Variants in MMP26 observed in about 807,000 individuals in gnomAD.
The protein encoded by MMP26 is matrix metalloproteinase-26.
In MMP26, 33 loss-of-function variants were observed where a neutral mutation model predicts 31.0. The ratio of observed to expected loss-of-function variants is 1.06; its 90% CI spans 0.81 to 1.42. The LOEUF (loss-of-function observed/expected upper bound fraction) is 1.42, where lower values mean the gene tolerates loss of function less well. MMP26 is among the 40% of genes most tolerant of loss of function. The pLI is 0.00. For missense variants in MMP26, 347 were observed against 316.1 expected (o/e 1.10, Z -0.74); for synonymous variants, 122 against 114.9 (o/e 1.06, Z -0.40).
chr11:4,916,410 A>AC (rs1206018285), intron 2 of MMP26, among the ~76,000 whole-genome samples: 1 of 150,214 alleles, frequency 6.7e-6, no homozygotes, highest in African/African-American at 2.5e-5. Context: ...TGGAAAAAAA[A>AC]AGTCCTCACA....
intron 2 of MMP26, among the ~76,000 whole-genome samples, chr11:4,941,636 A>G (rs1163315819): frequency 6.6e-6 from 1 of 152,206 alleles, no homozygotes; most frequent in African/African-American, 2.4e-5. Context: ...ATCCAAGACC[A>G]TCATGCTTGA....
chr11:4,774,594 T>C (rs766723623), intron 2 of MMP26, among the ~76,000 whole-genome samples: 8 of 152,200 alleles, frequency 5.3e-5, no homozygotes, highest in Non-Finnish European at 1.2e-4. Flanking sequence ...TTCACTCTGA[T>C]GATAGTTTCT....
chr11:4,744,900 C>T (rs1848360265), intron 1 of MMP26, among the ~76,000 whole-genome samples: 1 of 151,992 alleles, frequency 6.6e-6, no homozygotes, highest in African/African-American at 2.4e-5. Flanking sequence ...ACCTCTTCTT[C>T]TTTATATTTT....
In MMP26 at chr11:4,769,595, C is replaced by T. The variant is rs564868411; in HGVS notation, c.-145+2254C>T. 6.2e-7 allele frequency: 1 copy of T among 1,613,302 alleles called. No homozygotes were observed. Among genetic ancestry groups the T allele is most frequent in the South Asian group, 1.1e-5 (1 of 91,060 alleles). ...CACTCCAGATTCCATAAAAGTGAAT[C>T]CATGAAGAAAAAACATCTGGACAAT... On this transcript the variant is annotated intron_variant, in intron 2 of 7. Coordinates refer to ENST00000380390, the MANE Select transcript of MMP26 (RefSeq NM_021801.5).
At chr11:4,829,724 G>A (rs1363359940) in intron 2 of MMP26, among the ~76,000 whole-genome samples, 1 of 152,118 alleles carries the variant, frequency 6.6e-6, no homozygotes, top group South Asian at 2.1e-4. Flanking sequence ...CTTACCTAAA[G>A]CCATCACATT....
chr11:4,861,040 A>C, intron 2 of MMP26, among the ~76,000 whole-genome samples: 1 of 148,880 alleles, frequency 6.7e-6, no homozygotes, highest in Admixed American at 6.7e-5. Context: ...ATCCACATAA[A>C]TCCATGTGTA....
intron 2 of MMP26, among the ~76,000 whole-genome samples, chr11:4,815,158 G>C (rs1849404394): frequency 6.6e-6 from 1 of 152,210 alleles, no homozygotes; most frequent in Non-Finnish European, 1.5e-5. Context: ...GGGGTGGGTA[G>C]AGAAGTAGTC....
chr11:4,783,759 G>C (rs186001865), intron 2 of MMP26, among the ~76,000 whole-genome samples: 3 of 152,282 alleles, frequency 2.0e-5, no homozygotes, highest in East Asian at 3.9e-4. Context: ...TTTCCATACT[G>C]TTCTCATGGT....
At chr11:4,822,571 A>C (rs891212908) in intron 2 of MMP26, 1 of 450,494 alleles carries the variant, frequency 2.2e-6, no homozygotes, top group Non-Finnish European at 3.7e-6. Flanking sequence ...TGTTTTCAAT[A>C]TGAAGTGAAG....
intron 2 of MMP26, among the ~76,000 whole-genome samples, chr11:4,934,500 A>G (rs371384195): frequency 5.1e-5 from 7 of 136,282 alleles, no homozygotes; most frequent in African/African-American, 1.4e-4. Flanking sequence ...AGTAGGTTGC[A>G]AAAATTTTCT....
chr11:4,926,185 G>C (rs987910108), intron 2 of MMP26, among the ~76,000 whole-genome samples: 1 of 151,538 alleles, frequency 6.6e-6, no homozygotes, highest in Admixed American at 6.6e-5. Context: ...TTTAATATAA[G>C]AATAAAACCA....
chr11:4,830,279 G>A (rs1414034569), intron 2 of MMP26: 1 of 152,094 alleles, frequency 6.6e-6, no homozygotes, highest in Non-Finnish European at 1.5e-5. Flanking sequence ...CCTTAGGATG[G>A]TTTTATCTTT....
chr11:4,821,074 G>C (rs1272371872), intron 2 of MMP26, among the ~76,000 whole-genome samples: 1 of 152,108 alleles, frequency 6.6e-6, no homozygotes, highest in Non-Finnish European at 1.5e-5. Context: ...CTGGAAAGCA[G>C]GTTTCTCATA....
chr11:4,944,294 C>A, intron 2 of MMP26: 1 of 175,218 alleles, frequency 5.7e-6, no homozygotes, highest in Non-Finnish European at 1.2e-5. Context: ...AGGTTTGAAC[C>A]CCAGCTTTTG....
intron 2 of MMP26, among the ~76,000 whole-genome samples, chr11:4,856,792 C>A (rs1850060108): frequency 6.6e-6 from 1 of 152,208 alleles, no homozygotes; most frequent in African/African-American, 2.4e-5. Context: ...CCACGTCGCA[C>A]TTATTCCAAA....
chr11:4,877,297 T>C (rs1323392877), intron 2 of MMP26: 2 of 152,242 alleles, frequency 1.3e-5, no homozygotes, highest in African/African-American at 4.8e-5. Context: ...CTCTCTCATA[T>C]CTGCAGTGCT....
At position 4,769,197 on chromosome 11, in the gene MMP26, T is replaced by C. The variant is rs754248991; in HGVS notation, c.-145+1856T>C. 8 of 1,613,952 alleles carry C rather than the reference T, an allele frequency of 5.0e-6. No homozygotes were observed. The African/African-American group carries it at 9.3e-5, about 19-fold the overall frequency. On this transcript the variant is annotated intron_variant, in intron 2 of 7. Transcript: ENST00000380390. The stretch of plus-strand genomic sequence containing the variant: ...GCTCCCACATGGGAGACACAGGTGC[T>C]GAAGACCTTGTGCCATTCTTCAGGG...
chr11:4,986,960 C>CCCTCT, intron 2 of MMP26, among the ~76,000 whole-genome samples: 1 of 53,336 alleles, frequency 1.9e-5, no homozygotes, highest in Non-Finnish European at 3.7e-5. Context: ...TCTCTCTCTC[C>CCCTCT]CTCTCTCTCT....
At chr11:4,848,139 G>T (rs1564792978) in intron 2 of MMP26, 1 of 1,270,954 alleles carries the variant, frequency 7.9e-7, no homozygotes, top group South Asian at 1.4e-5. Context: ...ATGCACTTAT[G>T]TGTACGTGAA....
Sources: gnomAD v4.1 joint callset for allele counts (sites outside exome capture counted in the v4.1 genomes callset) on GRCh38, gnomAD v4.1.1 for gene constraint, MANE v1.5 for transcripts, NCBI Gene and HGNC (gene_info 2026-07-23, HGNC 2026-07-21) for gene names.